The following DACH2 variants were observed in gnomAD, a reference collection of about 807,000 sequenced individuals.
DACH2 encodes the protein dachshund homolog 2.
Under a neutral mutation model 35.8 loss-of-function variants are expected in DACH2, and 17 were observed. The observed-to-expected ratio is 0.48, with a 90% CI of 0.33 to 0.71. DACH2 has a LOEUF of 0.71. Among genes scored for constraint, DACH2 ranks in the 30% least tolerant of loss-of-function variants. The pLI is 0.02. For missense variants in DACH2, 469 were observed against 472.7 expected (o/e 0.99, Z 0.07); for synonymous variants, 195 against 177.3 (o/e 1.10, Z -0.79).
At chrX:86,482,626 T>A (rs1033191738) in intron 2 of DACH2, among the ~76,000 whole-genome samples, 4 of 108,076 alleles carry the variant, frequency 3.7e-5, no homozygotes, top group African/African-American at 1.0e-4. Flanking sequence ...ATTTCCACAA[T>A]GGTTGAACTA....
intron 2 of DACH2, among the ~76,000 whole-genome samples, chrX:86,458,090 A>G (rs2037507254): frequency 8.9e-6 from 1 of 111,784 alleles, no homozygotes; most frequent in South Asian, 3.7e-4. Context: ...AAGAAACATG[A>G]AGGCAAATTT....
At chrX:86,317,824 G>A (rs927437906) in intron 1 of DACH2, among the ~76,000 whole-genome samples, 2 of 111,076 alleles carry the variant, frequency 1.8e-5, no homozygotes, top group East Asian at 2.9e-4. Context: ...TTCCAAGAGC[G>A]TGGGGTTCCT....
chrX:86,739,023 C>A (rs1304137144), intron 6 of DACH2, among the ~76,000 whole-genome samples: 1 of 110,938 alleles, frequency 9.0e-6, no homozygotes. Flanking sequence ...CAGGTGCCTG[C>A]CACCATGCCT....
intron 7 of DACH2, among the ~76,000 whole-genome samples, chrX:86,746,181 C>T (rs1177370638): frequency 9.0e-6 from 1 of 111,429 alleles, no homozygotes; most frequent in African/African-American, 3.3e-5. Flanking sequence ...ATACCTCCAC[C>T]TTTTGGCTGT....
At chrX:86,388,280 G>T (rs1287201813) in intron 2 of DACH2, among the ~76,000 whole-genome samples, 1 of 111,910 alleles carries the variant, frequency 8.9e-6, no homozygotes, top group Non-Finnish European at 1.9e-5. Context: ...ACTTTCTTTG[G>T]ATGTACAATT....
chrX:86,504,999 A>G (rs749584685), intron 2 of DACH2, among the ~76,000 whole-genome samples: 60 of 112,163 alleles, frequency 5.3e-4, no homozygotes, highest in Non-Finnish European at 1.0e-3. Flanking sequence ...CAGTTGTGAA[A>G]TTAAAATGCA....
rs749962126 is a variant in DACH2, at chrX:86,675,460, G to A, written c.773-19561G>A. Among the ~76,000 whole-genome samples, 314 of 111,756 alleles carry A rather than the reference G, an allele frequency of 2.8e-3. 2 individuals carry two copies. Among genetic ancestry groups the A allele is most frequent in the African/African-American group, 9.8e-3 (301 of 30,796 alleles). ...AGCACTTTACGAAGTCGAGGCAGGTGGATCACTTGAACCCAGGAGTTCAAG... is the reference window on the plus strand; with the variant it reads ...AGCACTTTACGAAGTCGAGGCAGGTAGATCACTTGAACCCAGGAGTTCAAG... On this transcript the variant is annotated intron_variant, in intron 4 of 11. Transcript: ENST00000373125.
chrX:86,215,328 G>A (rs1057226922), intron 1 of DACH2, among the ~76,000 whole-genome samples: 14 of 111,301 alleles, frequency 1.3e-4, no homozygotes, highest in Non-Finnish European at 3.8e-5. Flanking sequence ...GGAAGAGTTT[G>A]CTAAGTGAAA....
At chrX:86,455,778 C>T (rs951257637) in intron 2 of DACH2, among the ~76,000 whole-genome samples, 3 of 112,519 alleles carry the variant, frequency 2.7e-5, no homozygotes, top group South Asian at 3.7e-4. Context: ...TAACTTTTGA[C>T]GTGCTGTGGA....
chrX:86,665,404 G>A (rs888994529), intron 4 of DACH2, among the ~76,000 whole-genome samples: 1 of 111,443 alleles, frequency 9.0e-6, no homozygotes, highest in Non-Finnish European at 1.9e-5. Flanking sequence ...GTCTCTTAAG[G>A]TTACATATTT....
At chrX:86,551,501 G>A (rs1352107486) in intron 3 of DACH2, among the ~76,000 whole-genome samples, 1 of 112,034 alleles carries the variant, frequency 8.9e-6, no homozygotes, top group Non-Finnish European at 1.9e-5. Flanking sequence ...TGTAAGAGTG[G>A]TATCTCCATC....
At chrX:86,214,670 C>T (rs1052718338) in intron 1 of DACH2, among the ~76,000 whole-genome samples, 2 of 111,721 alleles carry the variant, frequency 1.8e-5, no homozygotes, top group Admixed American at 9.5e-5. Flanking sequence ...GACAATTTTT[C>T]GGCATTAGTT....
intron 1 of DACH2, among the ~76,000 whole-genome samples, chrX:86,347,729 C>T (rs2035521758): frequency 8.9e-6 from 1 of 112,622 alleles, no homozygotes; most frequent in Non-Finnish European, 1.9e-5. Flanking sequence ...ACTCACCATT[C>T]CATTTTAAAG....
chrX:86,169,270 C>T (rs920528797), intron 1 of DACH2, among the ~76,000 whole-genome samples: 3 of 111,696 alleles, frequency 2.7e-5, no homozygotes, highest in African/African-American at 9.8e-5. Context: ...TGTTGCCTGA[C>T]ATATTGCAGC....
rs572462685 is a variant in DACH2 at position 86,714,861 on chromosome X, T to G, written c.1104+141T>G. ...AGCATACAGTATTGATGGGTTTAGT[T>G]TGTGACTAGGCCTGCCAGGTTTGTT... On this transcript the variant is annotated intron_variant, in intron 6 of 11. Coordinates refer to ENST00000373125, the MANE Select transcript of DACH2 (RefSeq NM_053281.3). 113 of 485,758 alleles carry G rather than the reference T, an allele frequency of 2.3e-4. No individual in the cohort carries two copies. In the South Asian group the frequency reaches 6.7e-3, roughly 29 times the overall value. The allele number at this position is 485,758 out of a possible 1,213,427, so 40.0% of individuals were successfully genotyped here. A position where few individuals can be genotyped will look rare whatever the true frequency, so the allele number is the denominator to read the frequency against.
At chrX:86,376,983 A>G (rs2035978189) in intron 2 of DACH2, 121 bp downstream of exon 2, 1 of 314,253 alleles carries the variant, frequency 3.2e-6, no homozygotes, top group African/African-American at 2.7e-5. Context: ...AGGAAAGTAG[A>G]GCCATTTGAA....
intron 1 of DACH2, among the ~76,000 whole-genome samples, chrX:86,315,324 C>T (rs1350160311): frequency 8.9e-6 from 1 of 112,116 alleles, no homozygotes; most frequent in Non-Finnish European, 1.9e-5. Flanking sequence ...AAGAAGATTT[C>T]TTTCAATATA....
chrX:86,197,309 A>G (rs1281964231), intron 1 of DACH2, among the ~76,000 whole-genome samples: 1 of 112,026 alleles, frequency 8.9e-6, no homozygotes, highest in African/African-American at 3.2e-5. Context: ...GGAAAAACAC[A>G]CTGGAGTACA....
At position 86,162,989 on chromosome X, in the gene DACH2, C is replaced by A. The variant is rs187600004; in HGVS notation, c.488+13881C>A. ...TATATAGGCATGCAATGTGAAATAACCACATCATGGAGAGTGGGGTATCCC... is the reference window on the plus strand; with the variant it reads ...TATATAGGCATGCAATGTGAAATAAACACATCATGGAGAGTGGGGTATCCC... On this transcript the variant is annotated intron_variant, in intron 1 of 11. Transcript: ENST00000373125. Among the ~76,000 whole-genome samples, 568 of 110,714 alleles carry A rather than the reference C, an allele frequency of 5.1e-3. 5 individuals are homozygous for A. Among genetic ancestry groups the A allele is most frequent in the African/African-American group, 0.017 (512 of 30,527 alleles).
Sources: allele counts gnomAD v4.1 joint callset (sites outside exome capture counted in the v4.1 genomes callset), GRCh38; gene constraint gnomAD v4.1.1; transcripts MANE v1.5; gene names NCBI Gene and HGNC (gene_info 2026-07-23, HGNC 2026-07-21).